Variants in NEB observed in about 807,000 individuals in gnomAD.
NEB encodes the protein nebulin, also known as nemaline myopathy type 2.
Under a neutral mutation model 952.2 loss-of-function variants are expected in NEB, and 512 were observed. That is an observed-to-expected ratio of 0.54 (90% CI 0.50 to 0.58). The LOEUF is 0.58. Among genes scored for constraint, NEB ranks in the 20% least tolerant of loss-of-function variants. The probability of loss-of-function intolerance (pLI) is 0.00; values close to 1 mark genes in which losing one functional copy is unlikely to be tolerated. For missense variants in NEB, 8,428 were observed against 9,231.1 expected (o/e 0.91, Z 3.56); for synonymous variants, 2,900 against 3,149.8 (o/e 0.92, Z 2.66).
At position 151,672,540 on chromosome 2, in the gene NEB, G is replaced by T. The variant is rs1340723785; in HGVS notation, c.4128C>A (p.Asn1376Lys). The change falls in exon 37 of 182, where the codon AAC (asparagine) becomes AAA (lysine). Residue 1376 changes from asparagine (N) to lysine (K), a missense_variant. Transcript: ENST00000397345. ...CAGGGGTATGGTAGCTGGTTTTGGT[G>T]TTCTCATAGTTCTTCTTGTATTCAC... ...SDREYKKNYE[N>K]TKTSYHTPGD... 2 of 1,613,868 alleles carry T rather than the reference G, an allele frequency of 1.2e-6. No individual in the cohort carries two copies. Among genetic ancestry groups the T allele is most frequent in the Non-Finnish European group, 1.7e-6 (2 of 1,179,908 alleles).
At chr2:151,579,064 G>C (rs181790748) in intron 105 of NEB, among the ~76,000 whole-genome samples, 31 of 106,244 alleles carry the variant, frequency 2.9e-4, no homozygotes, top group African/African-American at 1.1e-3. Context: ...CTGGGTGACA[G>C]AGCAAGACTC....
chr2:151,564,832 C>A (rs1188171546), intron 117 of NEB, among the ~76,000 whole-genome samples: 24 of 152,082 alleles, frequency 1.6e-4, no homozygotes, highest in Non-Finnish European at 3.2e-4. Flanking sequence ...CTAAAGAGCC[C>A]GGCACATCAC....
At position 151,724,941 on chromosome 2, in the gene NEB, A is replaced by T; in HGVS notation, c.423T>A (p.Gly141=). ...QLSEVKYRMD[G]DVAKTICHVD... is the part of the protein sequence containing the mutation. ...CGTGACATATAGTCTTAGCAACATC[A>T]CCATCCATTCGATACTTAACCTGCC... Residue 141 remains glycine (G), a synonymous_variant, in exon 7 of 182, where the codon GGT becomes GGA. Coordinates refer to ENST00000397345, the MANE Select transcript of NEB (RefSeq NM_001164508.2). The T allele has an allele frequency of 6.2e-7, 1 of 1,613,686 alleles. No homozygotes were observed. The highest frequency in any genetic ancestry group is 8.5e-7 in the Non-Finnish European group (1 of 1,179,782).
chr2:151,549,746 G>A lies in NEB; in HGVS notation c.19945-6C>T. The A allele has an allele frequency of 6.5e-7, 1 of 1,544,746 alleles. No individual in the cohort carries two copies. The highest frequency in any genetic ancestry group is 1.2e-5 in the South Asian group (1 of 84,984). ...AGGCTGGTTTTGTATAGATTCTGCA[G>A]GAATGAGGAAGAGCAGGTTAAATGA... On this transcript the variant is annotated splice_polypyrimidine_tract_variant and splice_region_variant and intron_variant, in intron 129 of 181. Coordinates refer to ENST00000397345, the MANE Select transcript of NEB (RefSeq NM_001164508.2).
At chr2:151,605,699 G>A (rs1325977140) in intron 84 of NEB, among the ~76,000 whole-genome samples, 1 of 101,496 alleles carries the variant, frequency 9.9e-6, no homozygotes, top group African/African-American at 2.7e-5. Flanking sequence ...GAAACAACTG[G>A]CTACATGATG....
intron 174 of NEB, 23 bp from the exon 175 acceptor site, chr2:151,493,890 C>T (rs778829512): frequency 1.7e-5 from 25 of 1,435,674 alleles, no homozygotes; most frequent in East Asian, 7.2e-5. Context: ...AAGTCATGCC[C>T]GAAAGTCACT....
At position 151,643,892 on chromosome 2, in the gene NEB, G is replaced by A. The variant is rs1222037893; in HGVS notation, c.7882C>T (p.Leu2628=). 1.2e-6 allele frequency: 2 copies of A among 1,613,918 alleles called. No individual in the cohort carries two copies. Among genetic ancestry groups the A allele is most frequent in the East Asian group, 2.2e-5 (1 of 44,898 alleles). ...LVSDVDYKNY[L]HQWTCLPDQS... is the part of the protein sequence containing the mutation. Reference sequence around the variant, plus strand: ...TCGGGCAGGCATGTCCACTGGTGCAGGTAGTTCTTGTAGTCCACGTCGCTG... The same window carrying A: ...TCGGGCAGGCATGTCCACTGGTGCAAGTAGTTCTTGTAGTCCACGTCGCTG... Residue 2628 remains leucine (L), a synonymous_variant, in exon 57 of 182, where the codon CTG becomes TTG. Transcript: ENST00000397345.
chr2:151,496,913 T>C (rs2060591392), intron 172 of NEB, 28 bp downstream of exon 172: 1 of 1,515,966 alleles, frequency 6.6e-7, no homozygotes, highest in Non-Finnish European at 9.0e-7. Context: ...AATCAGTAAG[T>C]AGTTTTTTTC....
rs374691148 is a variant in NEB, at chr2:151,490,334, C to T, written c.25297+38G>A. ...TTATAGTAACCATCAATGAGCTGGCCGGGTGGGACTGCCAAAATCAGCGCC... is the reference window on the plus strand; with the variant it reads ...TTATAGTAACCATCAATGAGCTGGCTGGGTGGGACTGCCAAAATCAGCGCC... On this transcript the variant is annotated intron_variant, in intron 180 of 181. Coordinates refer to ENST00000397345, the MANE Select transcript of NEB (RefSeq NM_001164508.2). 132 of 1,571,798 alleles carry T rather than the reference C, an allele frequency of 8.4e-5. 1 individual carries two copies. The highest frequency in any genetic ancestry group is 5.9e-4 in the East Asian group (25 of 42,462).
intron 139 of NEB, 22 bp from the exon 140 acceptor site, chr2:151,537,998 C>G: frequency 1.3e-6 from 2 of 1,593,248 alleles, no homozygotes; most frequent in Non-Finnish European, 1.7e-6. Flanking sequence ...AACACAAAGA[C>G]AGCTGTAAGT....
intron 37 of NEB, among the ~76,000 whole-genome samples, chr2:151,672,111 G>C (rs2154192732): frequency 6.6e-6 from 1 of 152,222 alleles, no homozygotes; most frequent in Admixed American, 6.5e-5. Context: ...GTGAATCAAA[G>C]TGGCTCTCAT....
intron 141 of NEB, among the ~76,000 whole-genome samples, chr2:151,536,835 A>T (rs538372926): frequency 2.0e-5 from 3 of 152,368 alleles, no homozygotes; most frequent in Admixed American, 1.3e-4. Context: ...ATTGGCTGTC[A>T]TATCAGCTTT....
chr2:151,568,279 C>T (rs775814036), intron 112 of NEB, 37 bp downstream of exon 112: 8 of 1,601,620 alleles, frequency 5.0e-6, no homozygotes, highest in African/African-American at 4.0e-5. Flanking sequence ...GCCCTCCACT[C>T]GTACACAAAC....
chr2:151,492,901 A>C, intron 176 of NEB: 1 of 180,232 alleles, frequency 5.5e-6, no homozygotes, highest in Non-Finnish European at 1.2e-5. Flanking sequence ...TCATAAACCA[A>C]TATGCTAATA....
chr2:151,493,466 TC>T, intron 175 of NEB, 21 bp from the exon 176 acceptor site: 3 of 1,506,228 alleles, frequency 2.0e-6, no homozygotes, highest in Non-Finnish European at 2.7e-6. Flanking sequence ...CAAAAGAGCA[TC>T]TAGGCATCAG....
chr2:151,571,189 G>A (rs951946881), intron 107 of NEB, among the ~76,000 whole-genome samples: 2 of 152,124 alleles, frequency 1.3e-5, no homozygotes, highest in African/African-American at 4.8e-5. Flanking sequence ...ATTTTTAGTA[G>A]AGACAGGGTT....
In NEB at chr2:151,727,880, C is replaced by A. The variant is rs368075131; in HGVS notation, c.105G>T (p.Thr35=). Residue 35 remains threonine (T), a synonymous_variant, in exon 5 of 182, where the codon ACG becomes ACT. Transcript: ENST00000397345. Reference sequence around the variant, plus strand: ...GCTCATAGTCAGATGTCCTTGTTGTCGTAGTCTCATAAATTTTTGTTATTG... The same window carrying A: ...GCTCATAGTCAGATGTCCTTGTTGTAGTAGTCTCATAAATTTTTGTTATTG... The part of the protein sequence containing the change: ...GETITKIYET[T]TTRTSDYEQS... 1.9e-6 allele frequency: 3 copies of A among 1,613,198 alleles called. No individual in the cohort carries two copies. Among genetic ancestry groups the A allele is most frequent in the African/African-American group, 2.7e-5 (2 of 74,878 alleles).
rs2096577720 is a variant in NEB at position 151,570,234 on chromosome 2, C to G, written c.17277G>C (p.Gln5759His). The change falls in exon 109 of 182, where the codon CAG (glutamine) becomes CAC (histidine). Residue 5759 changes from glutamine (Q) to histidine (H), a missense_variant. Physicochemically the swap from Gln to His is conservative, Grantham distance 24. This residue lies in a region of NEB where 3,374 missense variants were observed against 3,651.5 expected (regional missense o/e 0.92). Transcript: ENST00000397345. ...GGATGGAAAGCATGTCCACAGGGCT[C>G]TGGATCTTGGCCTTCCATTTGGCCC... ...LDWAKWKAKI[Q>H]SPVDMLSILH... The G allele has an allele frequency of 8.1e-6, 13 of 1,613,786 alleles. No homozygotes were observed. The highest frequency in any genetic ancestry group is 1.1e-5 in the Non-Finnish European group (13 of 1,179,820).
intron 37 of NEB, among the ~76,000 whole-genome samples, chr2:151,671,986 G>GAAA (rs11444927): frequency 1.2e-4 from 17 of 147,392 alleles, no homozygotes; most frequent in Non-Finnish European, 1.5e-4. Flanking sequence ...GTTAATAAAG[G>GAAA]AAAAAAAAAA....
Sources: allele counts gnomAD v4.1 joint callset (sites outside exome capture counted in the v4.1 genomes callset), GRCh38; gene constraint gnomAD v4.1.1; regional missense constraint gnomAD v4.1.1; transcripts MANE v1.5; gene names NCBI Gene and HGNC (gene_info 2026-07-23, HGNC 2026-07-21).